FBXO28: variants seen among roughly 807,000 people sequenced by gnomAD.
The protein encoded by FBXO28 is F-box protein 28.
In FBXO28, 8 loss-of-function variants were observed where a neutral mutation model predicts 38.1. The ratio of observed to expected loss-of-function variants is 0.21; its 90% confidence interval spans 0.12 to 0.38. The LOEUF is 0.38. Ranked by LOEUF, FBXO28 falls within the 10% of genes least tolerant of loss-of-function variation. The pLI is 1.00. For missense variants in FBXO28, 345 were observed against 460.6 expected (o/e 0.75, Z 2.30); for synonymous variants, 168 against 173.8 (o/e 0.97, Z 0.26).
chr1:224,142,838 C>T (rs1364218565), intron 3 of FBXO28, among the ~76,000 whole-genome samples: 4 of 151,692 alleles, frequency 2.6e-5, no homozygotes, highest in African/African-American at 7.3e-5. Flanking sequence ...CCCAGCCACT[C>T]GGGAGGCTGA....
chr1:224,142,007 G>T (rs6656849), intron 3 of FBXO28, among the ~76,000 whole-genome samples: 24,026 of 150,704 alleles, frequency 0.16, 2,067 homozygotes, highest in Middle Eastern at 0.24. Context: ...CTCCCACCTC[G>T]ACCTCCCAAG....
At chr1:224,137,485 T>C (rs1028784580) in intron 3 of FBXO28, among the ~76,000 whole-genome samples, 1 of 151,146 alleles carries the variant, frequency 6.6e-6, no homozygotes, top group East Asian at 1.9e-4. Context: ...ATCATGCCAC[T>C]GCACTCCAGC....
chr1:224,148,714 A>G (rs1182239374), intron 3 of FBXO28, among the ~76,000 whole-genome samples: 1 of 152,092 alleles, frequency 6.6e-6, no homozygotes, highest in Non-Finnish European at 1.5e-5. Flanking sequence ...TGCTTGGTAC[A>G]TGATAGTACT....
chr1:224,119,164 C>T (rs558954433), intron 1 of FBXO28, among the ~76,000 whole-genome samples: 69 of 110,172 alleles, frequency 6.3e-4, no homozygotes, highest in African/African-American at 2.0e-3. Context: ...GACGGAATCT[C>T]GCTCTGTCGC....
intron 3 of FBXO28, among the ~76,000 whole-genome samples, chr1:224,145,003 C>T (rs895036812): frequency 1.3e-5 from 2 of 151,344 alleles, no homozygotes; most frequent in Admixed American, 6.6e-5. Context: ...TTTTAGGGGC[C>T]GGGCGCGGTG....
intron 4 of FBXO28, 92 bp from the exon 5 acceptor site, chr1:224,157,260 A>C: frequency 1.4e-6 from 2 of 1,418,392 alleles, no homozygotes; most frequent in East Asian, 2.3e-5. Flanking sequence ...CAGAAGTGAC[A>C]TAGTAAGGGT....
intron 3 of FBXO28, 150 bp from the exon 4 acceptor site, chr1:224,152,992 C>A: frequency 2.1e-6 from 1 of 465,274 alleles, no homozygotes; most frequent in South Asian, 3.1e-5. Flanking sequence ...TTGTAAATAG[C>A]AATATTCATC....
intron 4 of FBXO28, among the ~76,000 whole-genome samples, chr1:224,153,821 T>C (rs756886676): frequency 6.6e-6 from 1 of 151,700 alleles, no homozygotes; most frequent in Admixed American, 6.6e-5. Flanking sequence ...CTCTGGAGGC[T>C]GAGGCAGGAG....
intron 1 of FBXO28, among the ~76,000 whole-genome samples, chr1:224,124,978 G>A (rs1162841482): frequency 2.0e-5 from 3 of 151,956 alleles, no homozygotes; most frequent in African/African-American, 7.2e-5. Flanking sequence ...GCGCCCAGCC[G>A]AAAGATGTAT....
At chr1:224,130,707 A>G (rs1247857629) in intron 2 of FBXO28, 126 bp downstream of exon 2, 5 of 603,420 alleles carry the variant, frequency 8.3e-6, no homozygotes, top group Non-Finnish European at 1.5e-5. Context: ...CAAAGATCAC[A>G]ATGTGATTTC....
chr1:224,127,224 CTTA>C (rs372136643), intron 1 of FBXO28, among the ~76,000 whole-genome samples: 33 of 148,818 alleles, frequency 2.2e-4, no homozygotes, highest in African/African-American at 7.4e-4. Flanking sequence ...GTTTGGCACG[CTTA>C]TTTTTTCCAC....
In FBXO28 at chr1:224,158,245, GGTATTGAA is replaced by G; in HGVS notation, c.*503_*510del. On this transcript the variant is annotated 3_prime_UTR_variant, in exon 5 of 5. Transcript: ENST00000366862. ...GTCTGAAAAGTAGTTAATGCTTTTT[GGTATTGAA>G]GTAATGGGTAACTAAAATGGACTTC... The G allele has an allele frequency of 1.0e-6, 1 of 985,308 alleles. No homozygotes were observed. The highest frequency in any genetic ancestry group is 1.2e-6 in the Non-Finnish European group (1 of 829,708). The allele number at this position is 985,308 out of a possible 1,614,324, so 61.0% of individuals were successfully genotyped here. A position where few individuals can be genotyped will look rare whatever the true frequency, so the allele number is the denominator to read the frequency against.
intron 4 of FBXO28, among the ~76,000 whole-genome samples, chr1:224,155,021 G>A (rs1274955225): frequency 6.6e-6 from 1 of 151,408 alleles, no homozygotes; most frequent in African/African-American, 2.4e-5. Context: ...GTAATTTGAG[G>A]ACCATCTGTA....
At chr1:224,136,390 G>C (rs903845002) in intron 3 of FBXO28, among the ~76,000 whole-genome samples, 1 of 151,884 alleles carries the variant, frequency 6.6e-6, no homozygotes, top group African/African-American at 2.4e-5. Context: ...TTTATGATAA[G>C]TTGTTCTTGT....
chr1:224,157,015 A>AAG (rs66717256), intron 4 of FBXO28, among the ~76,000 whole-genome samples: 3 of 151,250 alleles, frequency 2.0e-5, no homozygotes, highest in African/African-American at 7.3e-5. Flanking sequence ...AAAAAAAAAA[A>AAG]ATTATTATTT....
chr1:224,144,569 C>T (rs1657452454), intron 3 of FBXO28, among the ~76,000 whole-genome samples: 1 of 152,004 alleles, frequency 6.6e-6, no homozygotes, highest in South Asian at 2.1e-4. Context: ...ACCATCCTGG[C>T]CAACATGGTG....
intron 1 of FBXO28, among the ~76,000 whole-genome samples, chr1:224,127,272 G>A (rs929618129): frequency 1.9e-4 from 29 of 151,020 alleles, no homozygotes; most frequent in African/African-American, 7.0e-4. Context: ...GCCACATGAC[G>A]TTTGATGACA....
At chr1:224,114,505 T>C in intron 1 of FBXO28, 109 bp downstream of exon 1, 2 of 977,890 alleles carry the variant, frequency 2.0e-6, no homozygotes, top group East Asian at 5.5e-5. Context: ...CCCAGCCGGC[T>C]ACAGATCTGG....
intron 3 of FBXO28, among the ~76,000 whole-genome samples, chr1:224,137,261 AC>A (rs1212004783): frequency 2.0e-5 from 3 of 151,460 alleles, no homozygotes; most frequent in Non-Finnish European, 4.4e-5. Context: ...ACGGTGGCTC[AC>A]GCCTGTAATC....
Sources: allele counts gnomAD v4.1 joint callset (sites outside exome capture counted in the v4.1 genomes callset), GRCh38; gene constraint gnomAD v4.1.1; transcripts MANE v1.5; gene names NCBI Gene and HGNC (gene_info 2026-07-23, HGNC 2026-07-21).